EYS: variants seen among roughly 807,000 people sequenced by gnomAD.
EYS encodes EGF-like photoreceptor maintenance factor, also known as protein eyes shut homolog.
In EYS, 250 loss-of-function variants were observed where a neutral mutation model predicts 282.1. The ratio of observed to expected loss-of-function variants is 0.89; its 90% CI spans 0.80 to 0.98. The LOEUF (loss-of-function observed/expected upper bound fraction) is 0.98, where lower values mean the gene tolerates loss of function less well. Among genes scored for constraint, EYS ranks in the 50% least tolerant of loss-of-function variants. The pLI is 0.00. For synonymous variants in EYS, 1,355 were observed against 1,282.9 expected (o/e 1.06, Z -1.20); for missense variants, 4,016 against 3,709.0 (o/e 1.08, Z -2.15).
chr6:64,543,433 G>GA (rs1360027739), intron 26 of EYS, among the ~76,000 whole-genome samples: 7 of 151,914 alleles, frequency 4.6e-5, no homozygotes, highest in Non-Finnish European at 7.4e-5. Flanking sequence ...TTTATTTATA[G>GA]AAAAAATATA....
At chr6:65,060,460 G>T (rs1031729707) in intron 12 of EYS, among the ~76,000 whole-genome samples, 1 of 151,880 alleles carries the variant, frequency 6.6e-6, no homozygotes, top group African/African-American at 2.4e-5. Flanking sequence ...TTTAGAGGAT[G>T]ATGTAAAAAA....
chr6:63,901,090 C>G (rs1295339535), intron 35 of EYS, among the ~76,000 whole-genome samples: 1 of 152,106 alleles, frequency 6.6e-6, no homozygotes, highest in East Asian at 1.9e-4. Flanking sequence ...TACAAACAGT[C>G]AAAAGCAGCT....
intron 29 of EYS, among the ~76,000 whole-genome samples, chr6:64,325,933 A>G (rs1006626834): frequency 1.3e-5 from 2 of 152,154 alleles, no homozygotes; most frequent in African/African-American, 4.8e-5. Flanking sequence ...CCTAAGAATA[A>G]TTGGTATTCC....
intron 22 of EYS, among the ~76,000 whole-genome samples, chr6:64,634,946 T>C (rs532339845): frequency 2.0e-4 from 30 of 152,322 alleles, no homozygotes; most frequent in African/African-American, 6.0e-4. Flanking sequence ...TGGTTCTTCC[T>C]ACCCATGAGC....
At chr6:63,774,174 C>T (rs11965168) in intron 40 of EYS, among the ~76,000 whole-genome samples, 2 of 145,980 alleles carry the variant, frequency 1.4e-5, no homozygotes, top group African/African-American at 5.0e-5. Context: ...CACTGCTTTT[C>T]TTTTTTTTTT....
chr6:64,916,755 A>C (rs16896031), intron 15 of EYS, among the ~76,000 whole-genome samples: 4,757 of 152,266 alleles, frequency 0.031, 130 homozygotes, highest in East Asian at 0.13. Flanking sequence ...GGTAGTAAAC[A>C]CTTGAAAACA....
At chr6:64,372,146 TTTTTTTTTTTTTTTG>T (rs1772398789) in intron 29 of EYS, among the ~76,000 whole-genome samples, 1 of 143,030 alleles carries the variant, frequency 7.0e-6, no homozygotes, top group South Asian at 2.3e-4. Flanking sequence ...TTTTTTTTTT[TTTTTTTTTTTTTTTG>T]TAGTGGCCAG....
At chr6:64,940,388 A>G (rs1228042372) in intron 15 of EYS, among the ~76,000 whole-genome samples, 1 of 152,094 alleles carries the variant, frequency 6.6e-6, no homozygotes, top group African/African-American at 2.4e-5. Flanking sequence ...CTAAATGCCA[A>G]AAAAAGGATA....
At chr6:64,218,485 C>A (rs1383517166) in intron 31 of EYS, among the ~76,000 whole-genome samples, 2 of 152,116 alleles carry the variant, frequency 1.3e-5, no homozygotes, top group Non-Finnish European at 2.9e-5. Context: ...ACACAGTTGG[C>A]CTAATCACAT....
At chr6:64,224,066 G>A (rs746758464) in intron 31 of EYS, among the ~76,000 whole-genome samples, 15 of 152,068 alleles carry the variant, frequency 9.9e-5, no homozygotes, top group Admixed American at 2.0e-4. Flanking sequence ...CCTTTACTGT[G>A]ACTTGTTTTC....
At position 64,295,551 on chromosome 6, in the gene EYS, G is replaced by C. The variant is rs1304270358; in HGVS notation, c.6191+11419C>G. Among the ~76,000 whole-genome samples, 6 of 70,390 alleles carry C rather than the reference G, an allele frequency of 8.5e-5. 3 individuals are homozygous for C. The highest frequency in any genetic ancestry group is 5.4e-4 in the Admixed American group (4 of 7,410). 46.2% of individuals were successfully genotyped at this position (70,390 alleles called of 152,430 possible). A position where few individuals can be genotyped will look rare whatever the true frequency, so the allele number is the denominator to read the frequency against. On this transcript the variant is annotated intron_variant, in intron 30 of 42. Transcript: ENST00000503581. Reference sequence around the variant, plus strand: ...AAGAAGAAGAAAGAAGAAGAAAGAAGAAGAAAGAAGAAGAAAAGAAGAAGA... The same window carrying C: ...AAGAAGAAGAAAGAAGAAGAAAGAACAAGAAAGAAGAAGAAAAGAAGAAGA...
chr6:65,586,961 C>T (rs891583709), intron 2 of EYS, among the ~76,000 whole-genome samples: 4 of 152,068 alleles, frequency 2.6e-5, no homozygotes, highest in Admixed American at 2.0e-4. Context: ...GATCACTTAA[C>T]TCTAAATACA....
intron 22 of EYS, among the ~76,000 whole-genome samples, chr6:64,810,433 A>G (rs1006426033): frequency 6.6e-6 from 1 of 152,038 alleles, no homozygotes; most frequent in Non-Finnish European, 1.5e-5. Context: ...AGCACTTACT[A>G]TATCATCCTC....
chr6:64,902,304 A>T (rs1349178460), intron 17 of EYS, 84 bp from the exon 18 acceptor site: 1 of 1,306,714 alleles, frequency 7.7e-7, no homozygotes, highest in Non-Finnish European at 1.1e-6. Flanking sequence ...GCAAGTTTTT[A>T]ATAATTATAA....
intron 39 of EYS, among the ~76,000 whole-genome samples, chr6:63,780,650 C>T (rs1023126031): frequency 6.6e-6 from 1 of 152,098 alleles, no homozygotes; most frequent in Non-Finnish European, 1.5e-5. Context: ...GGATATTAGC[C>T]TTTTGTCAGA....
At chr6:64,110,381 C>A (rs1015013853) in intron 31 of EYS, among the ~76,000 whole-genome samples, 7 of 151,966 alleles carry the variant, frequency 4.6e-5, no homozygotes, top group Admixed American at 1.3e-4. Flanking sequence ...GCATTAGGCA[C>A]TGAGGGGATG....
intron 19 of EYS, among the ~76,000 whole-genome samples, chr6:64,831,252 G>A (rs1166096242): frequency 6.6e-6 from 1 of 151,868 alleles, no homozygotes. Context: ...AAAAAACTTA[G>A]GAAAAAATGT....
intron 12 of EYS, among the ~76,000 whole-genome samples, chr6:65,196,342 C>T (rs1480538417): frequency 6.6e-6 from 1 of 151,994 alleles, no homozygotes; most frequent in Non-Finnish European, 1.5e-5. Flanking sequence ...ATATGTTCTT[C>T]CAGTTACCAC....
intron 35 of EYS, among the ~76,000 whole-genome samples, chr6:63,884,650 A>G (rs1049692434): frequency 2.0e-5 from 3 of 152,178 alleles, no homozygotes; most frequent in Admixed American, 6.5e-5. Context: ...AGACCTCTTT[A>G]GTGTCAAATT....
Sources: gnomAD v4.1 joint callset for allele counts (sites outside exome capture counted in the v4.1 genomes callset) on GRCh38, gnomAD v4.1.1 for gene constraint, MANE v1.5 for transcripts, NCBI Gene and HGNC (gene_info 2026-07-23, HGNC 2026-07-21) for gene names.